Variants in PSG7 observed in about 807,000 individuals in gnomAD.
The protein encoded by PSG7 is pregnancy-specific beta-1-glycoprotein 7.
A neutral mutation model predicts 45.6 loss-of-function variants in PSG7; 57 were observed. That is an observed-to-expected ratio of 1.25 (90% CI 1.01 to 1.56). PSG7 has a LOEUF of 1.56. PSG7 is among the 40% of genes most tolerant of loss of function. PSG7 has a pLI of 0.00. For synonymous variants in PSG7, 298 were observed against 194.4 expected, an observed-to-expected ratio of 1.53 and a Z score of -4.43; for missense variants, 796 against 508.4, an observed-to-expected ratio of 1.57 and a Z score of -5.44.
Position 42,926,484 on chromosome 19 carries a change from G to A in PSG7, c.942C>T (p.Asp314=). ...ETGPYQCEIR[D]RYGGIRSDPV... ...GGTCACTGCGGATGCCACCATATCG[G>A]TCCCGTATTTCACATTGATAGGGTC... is the stretch of plus-strand genomic sequence containing the variant. The change falls in exon 4 of 6, where the codon GAC becomes GAT. Residue 314 remains aspartate, a synonymous_variant. Transcript: ENST00000406070. 6.2e-7 allele frequency: 1 copy of A among 1,611,534 alleles called. No homozygotes were observed. Among genetic ancestry groups the A allele is most frequent in the Non-Finnish European group, 8.5e-7 (1 of 1,179,000 alleles).
chr19:42,933,278 TATATATATATATATATATATATATA>T (rs1359107278), intron 2 of PSG7, among the ~76,000 whole-genome samples: 3 of 6,256 alleles, frequency 4.8e-4, no homozygotes, highest in Non-Finnish European at 1.3e-3. Flanking sequence ...TATATATATA[TATATATATATATATATATATATATA>T]TATATTTTTT....
At chr19:42,935,059 G>T (rs1360608243) in intron 2 of PSG7, among the ~76,000 whole-genome samples, 9 of 151,612 alleles carry the variant, frequency 5.9e-5, no homozygotes, top group Admixed American at 5.9e-4. Flanking sequence ...GTCTCAGGGG[G>T]CCCCTCAGGC....
In PSG7 at chr19:42,927,170, C is replaced by T. The variant is rs1336434627; in HGVS notation, c.710-454G>A. On this transcript the variant is annotated intron_variant, in intron 3 of 5. Coordinates refer to ENST00000406070, the MANE Select transcript of PSG7 (RefSeq NM_002783.3). The stretch of plus-strand genomic sequence containing the variant: ...ATTCTAGAGATGAGTAATAATGGGA[C>T]TTCCCATTGTCCTGAAACCCTGCAG... 1.5e-5 allele frequency: 3 copies of T among 197,468 alleles called. 1 individual carries two copies. The highest frequency in any genetic ancestry group is 2.2e-4 in the South Asian group (2 of 8,988). The allele number at this position is 197,468 out of a possible 1,614,324, so 12.2% of individuals were successfully genotyped here.
At chr19:42,934,504 C>T (rs1973103088) in intron 2 of PSG7, among the ~76,000 whole-genome samples, 1 of 151,590 alleles carries the variant, frequency 6.6e-6, no homozygotes, top group Non-Finnish European at 1.5e-5. Flanking sequence ...TTCTCTCAAT[C>T]AAATAAGCTA....
chr19:42,935,713 G>C lies in PSG7; in HGVS notation c.121C>G (p.Gln41Glu), dbSNP rs782239794. 5.6e-6 allele frequency: 9 copies of C among 1,611,790 alleles called. 1 individual carries two copies. Among genetic ancestry groups the C allele is most frequent in the Admixed American group, 5.0e-5 (3 of 59,782 alleles). The change falls in exon 2 of 6, where the codon CAG (glutamine) becomes GAG (glutamate). Residue 41 changes from glutamine (Q) to glutamate (E), a missense_variant. Transcript: ENST00000406070. ...TTCCCCTCGGAAACTTTTGGTGGCT[G>C]GGCTTCAATCGTGACTTGGGCTGTG... is the stretch of plus-strand genomic sequence containing the variant. ...PTTAQVTIEA[Q>E]PPKVSEGKDV...
At chr19:42,926,840 G>GGT (rs145743583) in intron 3 of PSG7, 124 bp from the exon 4 acceptor site, 3 of 1,483,612 alleles carry the variant, frequency 2.0e-6, no homozygotes, top group Non-Finnish European at 2.7e-6. Context: ...GCCAATAGCT[G>GGT]GTGTGTGTGT....
intron 2 of PSG7, among the ~76,000 whole-genome samples, chr19:42,933,308 T>TATATATATATATATA (rs1555745220): frequency 3.1e-3 from 36 of 11,782 alleles, no homozygotes; most frequent in South Asian, 6.7e-3. Flanking sequence ...TATATATATA[T>TATATATATATATATA]TTTTTTTTTT....
In PSG7 at chr19:42,926,424, T is replaced by C; in HGVS notation, c.988+14A>G. ...TGGCCCACAGAGGAAGAAAGGATAC[T>C]CAAGGATACTCACAGAGGACATTCA... is the stretch of plus-strand genomic sequence containing the variant. On this transcript the variant is annotated intron_variant, in intron 4 of 5. Coordinates refer to ENST00000406070, the MANE Select transcript of PSG7 (RefSeq NM_002783.3). 1.2e-6 allele frequency: 2 copies of C among 1,610,628 alleles called. No homozygotes were observed. The highest frequency in any genetic ancestry group is 1.7e-6 in the Non-Finnish European group (2 of 1,178,406).
chr19:42,926,979 G>A, intron 3 of PSG7: 2 of 637,378 alleles, frequency 3.1e-6, no homozygotes, highest in East Asian at 3.1e-5. Context: ...ACATGTCAGT[G>A]GGAGTCACAG....
chr19:42,927,509 C>T (rs1487180482), intron 3 of PSG7: 1 of 151,658 alleles, frequency 6.6e-6, no homozygotes. Context: ...GTGGATCTTT[C>T]CAGAAATACA....
intron 2 of PSG7, among the ~76,000 whole-genome samples, chr19:42,932,081 T>C (rs928948024): frequency 8.6e-5 from 13 of 151,478 alleles, no homozygotes; most frequent in African/African-American, 3.2e-4. Flanking sequence ...TGGAGTGCAG[T>C]GGCATGATCT....
intron 2 of PSG7, among the ~76,000 whole-genome samples, chr19:42,933,377 G>T (rs1973075587): frequency 7.4e-6 from 1 of 134,238 alleles, no homozygotes; most frequent in African/African-American, 2.8e-5. Context: ...TTATAAGAGT[G>T]GATGGAGGAA....
intron 3 of PSG7, chr19:42,927,255 T>G (rs145742558): frequency 0.13 from 21,444 of 162,308 alleles, 1,911 homozygotes; most frequent in Admixed American, 0.17. Flanking sequence ...GGGGAGACCA[T>G]AGTCAAGCCT....
chr19:42,931,747 C>T (rs1374838123), intron 2 of PSG7, among the ~76,000 whole-genome samples: 6 of 151,468 alleles, frequency 4.0e-5, no homozygotes, highest in African/African-American at 9.7e-5. Context: ...ACCTACCTGG[C>T]CACCTCGATC....
intron 4 of PSG7, 125 bp downstream of exon 4, chr19:42,926,313 A>G: frequency 1.3e-6 from 2 of 1,532,318 alleles, no homozygotes; most frequent in Non-Finnish European, 1.8e-6. Context: ...GCCAGCTCGG[A>G]TGTCCAGAAG....
In PSG7 at chr19:42,929,624, G is replaced by A; in HGVS notation, c.527C>T (p.Ala176Val). 3 of 1,612,570 alleles carry A rather than the reference G, an allele frequency of 1.9e-6. 1 individual carries two copies. Among genetic ancestry groups the A allele is most frequent in the Non-Finnish European group, 2.5e-6 (3 of 1,179,250 alleles). ...ACCATTCATCCACCACAGGTAGCTT[G>A]CATCTGGAGTCTCAGGATCACAGGT... ...ILTCDPETPD[A>V]SYLWWMNGQS... Residue 176 changes from alanine (A) to valine (V), a missense_variant, in exon 3 of 6, where the codon GCA becomes GTA. Coordinates refer to ENST00000406070, the MANE Select transcript of PSG7 (RefSeq NM_002783.3).
chr19:42,935,955 G>A (rs774577663), intron 1 of PSG7, among the ~76,000 whole-genome samples, 186 bp from the exon 2 acceptor site: 5 of 150,696 alleles, frequency 3.3e-5, no homozygotes, highest in African/African-American at 7.3e-5. Context: ...GTGTGTTTCT[G>A]TGTGTGTCCT....
chr19:42,934,044 G>A (rs541824855), intron 2 of PSG7, among the ~76,000 whole-genome samples: 3 of 151,562 alleles, frequency 2.0e-5, no homozygotes, highest in Admixed American at 1.3e-4. Context: ...TTATGTGAGA[G>A]CTCCTGAGTA....
At chr19:42,928,780 C>G (rs569151934) in intron 3 of PSG7, among the ~76,000 whole-genome samples, 2 of 151,542 alleles carry the variant, frequency 1.3e-5, no homozygotes, top group East Asian at 3.9e-4. Flanking sequence ...CTCCAGGGAT[C>G]CACTTACCAG....
Sources: gnomAD v4.1 joint callset for allele counts (sites outside exome capture counted in the v4.1 genomes callset) on GRCh38, gnomAD v4.1.1 for gene constraint, MANE v1.5 for transcripts, NCBI Gene and HGNC (gene_info 2026-07-23, HGNC 2026-07-21) for gene names.